SLC6A6: variants seen among roughly 807,000 people sequenced by gnomAD.
SLC6A6 encodes sodium- and chloride-dependent taurine transporter.
A neutral mutation model predicts 68.8 loss-of-function variants in SLC6A6; 16 were observed. The ratio of observed to expected loss-of-function variants is 0.23; its 90% CI spans 0.16 to 0.35. The LOEUF (loss-of-function observed/expected upper bound fraction) is 0.35. SLC6A6 is among the 10% of genes least tolerant of loss of function. SLC6A6 has a pLI of 1.00. For synonymous variants in SLC6A6, 312 were observed against 315.4 expected (o/e 0.99, Z 0.12); for missense variants, 474 against 802.8 (o/e 0.59, Z 4.95).
At chr3:14,427,297 C>T (rs1376575874) in intron 2 of SLC6A6, among the ~76,000 whole-genome samples, 1 of 152,194 alleles carries the variant, frequency 6.6e-6, no homozygotes, top group African/African-American at 2.4e-5. Flanking sequence ...GCACCTGGCC[C>T]TGTCCTGAGA....
chr3:14,419,659 C>G (rs921655015), intron 2 of SLC6A6, among the ~76,000 whole-genome samples: 1 of 152,164 alleles, frequency 6.6e-6, no homozygotes, highest in Admixed American at 6.5e-5. Context: ...GTTAGAAAGA[C>G]GGTGATACTG....
chr3:14,455,641 C>T (rs1286071580), intron 5 of SLC6A6, among the ~76,000 whole-genome samples: 2 of 152,196 alleles, frequency 1.3e-5, no homozygotes, highest in Non-Finnish European at 2.9e-5. Flanking sequence ...ACCTGGTGGG[C>T]CTGGGAGATG....
intron 6 of SLC6A6, among the ~76,000 whole-genome samples, chr3:14,461,908 C>A (rs1700504602): frequency 6.6e-6 from 1 of 152,142 alleles, no homozygotes; most frequent in African/African-American, 2.4e-5. Flanking sequence ...CAGACACTTA[C>A]CTCCCAAAGG....
At position 14,402,966 on chromosome 3, in the gene SLC6A6, C is replaced by T. The variant is rs1699019688; in HGVS notation, c.-54+119C>T. On this transcript the variant is annotated intron_variant, in intron 1 of 14. Coordinates refer to ENST00000622186, the MANE Select transcript of SLC6A6 (RefSeq NM_003043.6). The surrounding 1 kb of genome is among the most constrained non-coding windows in gnomAD (Gnocchi z 4.8). ...CCCCTCCGCGTGCGCCCATCCGGCG[C>T]CCCTTTCACCACCGCGGAAGGGACC... 3 of 381,818 alleles carry T rather than the reference C, an allele frequency of 7.9e-6. No individual in the cohort carries two copies. Among genetic ancestry groups the T allele is most frequent in the Non-Finnish European group, 1.4e-5 (3 of 215,578 alleles). 23.7% of individuals were successfully genotyped at this position (381,818 alleles called of 1,614,324 possible).
intron 1 of SLC6A6, among the ~76,000 whole-genome samples, chr3:14,409,281 A>C (rs1313410688): frequency 6.6e-6 from 1 of 151,576 alleles, no homozygotes; most frequent in Non-Finnish European, 1.5e-5. Context: ...CTGTCTGATC[A>C]CCCCCAGTGC....
intron 14 of SLC6A6, among the ~76,000 whole-genome samples, chr3:14,483,094 C>T (rs1701045918): frequency 6.6e-6 from 1 of 152,194 alleles, no homozygotes; most frequent in Admixed American, 6.5e-5. Context: ...TTCAGGGGGA[C>T]ACCCAACAGG....
At chr3:14,480,895 C>G (rs1215794611) in intron 13 of SLC6A6, among the ~76,000 whole-genome samples, 1 of 152,182 alleles carries the variant, frequency 6.6e-6, no homozygotes, top group Non-Finnish European at 1.5e-5. Flanking sequence ...ATGCTGATGG[C>G]CACTAGCCAT....
intron 6 of SLC6A6, among the ~76,000 whole-genome samples, chr3:14,461,158 T>A (rs1429567880): frequency 1.3e-5 from 2 of 152,248 alleles, no homozygotes; most frequent in Non-Finnish European, 2.9e-5. Context: ...CAACAAATAG[T>A]GATAACGGTG....
chr3:14,427,074 C>T (rs932790675), intron 2 of SLC6A6, among the ~76,000 whole-genome samples: 1 of 145,450 alleles, frequency 6.9e-6, no homozygotes, highest in African/African-American at 2.9e-5. Flanking sequence ...CTCAGGTACT[C>T]TGAGGCACAG....
chr3:14,443,109 A>G (rs577141488), intron 2 of SLC6A6, among the ~76,000 whole-genome samples: 1 of 152,302 alleles, frequency 6.6e-6, no homozygotes, highest in South Asian at 2.1e-4. Context: ...TACAGTTATA[A>G]ATGGTCATCC....
At chr3:14,446,001 T>C (rs1229828133) in intron 4 of SLC6A6, 150 bp downstream of exon 4, 2 of 780,902 alleles carry the variant, frequency 2.6e-6, no homozygotes, top group Non-Finnish European at 4.1e-6. Flanking sequence ...ACAGTACCAG[T>C]GTGATGCGGA....
intron 2 of SLC6A6, among the ~76,000 whole-genome samples, chr3:14,419,794 C>A (rs1227232636): frequency 1.3e-5 from 2 of 151,936 alleles, no homozygotes; most frequent in South Asian, 2.1e-4. Flanking sequence ...CAAGGTGAGC[C>A]CCCCCTAGAG....
At chr3:14,427,010 AAC>A (rs1699614935) in intron 2 of SLC6A6, among the ~76,000 whole-genome samples, 1 of 151,464 alleles carries the variant, frequency 6.6e-6, no homozygotes, top group Admixed American at 6.6e-5. Context: ...TTTCCTGGAA[AAC>A]ACAGCCTCCC....
intron 1 of SLC6A6, among the ~76,000 whole-genome samples, chr3:14,405,656 C>T (rs796120599): frequency 1.1e-4 from 17 of 152,308 alleles, no homozygotes; most frequent in African/African-American, 3.8e-4. Context: ...CCTGTGTTTG[C>T]CAACTTGGCC....
intron 2 of SLC6A6, among the ~76,000 whole-genome samples, chr3:14,424,883 G>GCTATTGAAGGAAGCT (rs1699557845): frequency 6.6e-6 from 1 of 152,220 alleles, no homozygotes; most frequent in East Asian, 1.9e-4. Context: ...GGGACACGGC[G>GCTATTGAAGGAAGCT]CTATTGAAGG....
intron 5 of SLC6A6, among the ~76,000 whole-genome samples, chr3:14,449,213 T>C (rs1194265469): frequency 1.3e-5 from 2 of 152,206 alleles, no homozygotes; most frequent in Non-Finnish European, 1.5e-5. Context: ...ACTTGGTCGG[T>C]CCGTGTCACT....
At chr3:14,408,775 T>C (rs1365001790) in intron 1 of SLC6A6, among the ~76,000 whole-genome samples, 2 of 152,088 alleles carry the variant, frequency 1.3e-5, no homozygotes, top group Admixed American at 1.3e-4. Flanking sequence ...GGGATCTGTT[T>C]GGAAGCTAGC....
intron 6 of SLC6A6, among the ~76,000 whole-genome samples, chr3:14,460,690 T>G (rs1700474670): frequency 6.6e-6 from 1 of 152,252 alleles, no homozygotes; most frequent in African/African-American, 2.4e-5. Flanking sequence ...AGCAAAGACG[T>G]GATCTTCCAC....
At chr3:14,432,374 C>T (rs776108172) in intron 2 of SLC6A6, among the ~76,000 whole-genome samples, 22 of 152,192 alleles carry the variant, frequency 1.4e-4, no homozygotes, top group Non-Finnish European at 2.4e-4. Flanking sequence ...GGGCTGCTAG[C>T]GAAGCTGACA....
Sources: gnomAD v4.1 joint callset for allele counts (sites outside exome capture counted in the v4.1 genomes callset) on GRCh38, gnomAD v4.1.1 for gene constraint, Gnocchi (gnomAD v3.1) non-coding constraint, MANE v1.5 for transcripts, NCBI Gene and HGNC (gene_info 2026-07-23, HGNC 2026-07-21) for gene names.